CAPN2: variants seen among roughly 807,000 people sequenced by gnomAD.
CAPN2 encodes the protein calpain 2.
CAPN2 carries 92 observed loss-of-function variants against 102.3 expected under a neutral mutation model. That is an observed-to-expected ratio of 0.90 (90% confidence interval 0.76 to 1.07). CAPN2 has a LOEUF of 1.07. Among genes scored for constraint, CAPN2 ranks in the 50% least tolerant of loss-of-function variants. The pLI, the probability that CAPN2 is intolerant of heterozygous loss-of-function variation, is 0.00. For missense variants in CAPN2, 800 were observed against 909.4 expected (o/e 0.88, Z 1.55); for synonymous variants, 340 against 355.4 (o/e 0.96, Z 0.49).
chr1:223,766,826 G>A (rs1187435580), intron 16 of CAPN2, among the ~76,000 whole-genome samples: 2 of 152,136 alleles, frequency 1.3e-5, no homozygotes, highest in Admixed American at 6.5e-5. Flanking sequence ...TGGGTGTGGT[G>A]GCGGGCACCT....
chr1:223,716,636 C>T (rs373575246), intron 1 of CAPN2, among the ~76,000 whole-genome samples: 6 of 151,714 alleles, frequency 4.0e-5, no homozygotes, highest in South Asian at 2.1e-4. Flanking sequence ...TGCCGAGGGC[C>T]GTTGGGTGGA....
intron 2 of CAPN2, among the ~76,000 whole-genome samples, chr1:223,724,805 CA>C (rs200578569): frequency 4.0e-5 from 6 of 151,502 alleles, no homozygotes; most frequent in East Asian, 3.9e-4. Flanking sequence ...CCCATTTCCA[CA>C]AAAAAAAATT....
At chr1:223,735,917 C>T (rs1558065773) in intron 2 of CAPN2, among the ~76,000 whole-genome samples, 2 of 152,134 alleles carry the variant, frequency 1.3e-5, no homozygotes, top group Non-Finnish European at 2.9e-5. Flanking sequence ...GTAGCTGGGA[C>T]TACAGGCGCA....
intron 2 of CAPN2, among the ~76,000 whole-genome samples, chr1:223,735,101 C>T (rs961185952): frequency 2.0e-5 from 3 of 152,342 alleles, no homozygotes; most frequent in South Asian, 2.1e-4. Context: ...CCTTCTCTCA[C>T]GTGATCCTAA....
intron 2 of CAPN2, among the ~76,000 whole-genome samples, chr1:223,718,937 C>T (rs560672552): frequency 2.6e-5 from 4 of 152,092 alleles, no homozygotes; most frequent in East Asian, 3.9e-4. Flanking sequence ...CTCCCTAAGA[C>T]GGGACCTGGA....
At chr1:223,715,733 C>T (rs775773692) in intron 1 of CAPN2, among the ~76,000 whole-genome samples, 5 of 152,124 alleles carry the variant, frequency 3.3e-5, no homozygotes, top group Non-Finnish European at 5.9e-5. Context: ...TGTTGTGAGC[C>T]CCTATGTTTC....
intron 1 of CAPN2, among the ~76,000 whole-genome samples, chr1:223,713,622 G>A (rs1338206820): frequency 6.6e-6 from 1 of 152,106 alleles, no homozygotes; most frequent in East Asian, 1.9e-4. Context: ...AACCCCTGAG[G>A]CTCCTCCTCC....
chr1:223,703,563 T>C (rs1038994191), intron 1 of CAPN2, among the ~76,000 whole-genome samples: 8 of 152,228 alleles, frequency 5.3e-5, no homozygotes, highest in African/African-American at 1.9e-4. Flanking sequence ...CCCACTGGGT[T>C]GGCCAAGGCT....
intron 1 of CAPN2, among the ~76,000 whole-genome samples, chr1:223,714,731 C>A (rs1226379219): frequency 6.6e-6 from 1 of 151,392 alleles, no homozygotes; most frequent in East Asian, 1.9e-4. Flanking sequence ...TTCACTTATT[C>A]TTTCATTCAT....
chr1:223,768,838 TTGTTTGTA>T (rs1661401135), intron 16 of CAPN2, among the ~76,000 whole-genome samples: 1 of 151,898 alleles, frequency 6.6e-6, no homozygotes, highest in Non-Finnish European at 1.5e-5. Context: ...GTTCTTCCAT[TTGTTTGTA>T]TCCTCTTTTA....
chr1:223,740,409 C>T (rs911373090), intron 2 of CAPN2, among the ~76,000 whole-genome samples: 37 of 152,182 alleles, frequency 2.4e-4, no homozygotes, highest in Non-Finnish European at 7.3e-5. Flanking sequence ...TAACCTGACG[C>T]GTCCACCCTA....
chr1:223,734,282 A>C (rs1440573065), intron 2 of CAPN2, among the ~76,000 whole-genome samples: 1 of 152,216 alleles, frequency 6.6e-6, no homozygotes, highest in East Asian at 1.9e-4. Flanking sequence ...TCTTTTAAAA[A>C]ATGTACTTTC....
At chr1:223,760,662 TC>T (rs985943008) in intron 12 of CAPN2, among the ~76,000 whole-genome samples, 2 of 152,032 alleles carry the variant, frequency 1.3e-5, no homozygotes, top group African/African-American at 4.8e-5. Context: ...AATAACAGTG[TC>T]CTTTGTCAAA....
rs1180549385 is a variant in CAPN2 at position 223,727,313 on chromosome 1, G to A, written c.307+9482G>A. Among the ~76,000 whole-genome samples the A allele has an allele frequency of 6.6e-6, 1 of 152,242 alleles. No individual in the cohort carries two copies. On this transcript the variant is annotated intron_variant, in intron 2 of 20. Coordinates refer to ENST00000295006, the MANE Select transcript of CAPN2 (RefSeq NM_001748.5). This position sits in a 1 kb window ranked among gnomAD's most constrained non-coding sequence, Gnocchi z 4.1. ...TTCTCAACCTTGGCACAACTGACTG[G>A]ATAATTGTTCATTGTAGGGGGCTGT...
intron 15 of CAPN2, 125 bp downstream of exon 15, chr1:223,764,332 A>T (rs1380697487): frequency 1.6e-5 from 12 of 763,670 alleles, no homozygotes; most frequent in Non-Finnish European, 2.6e-5. Context: ...ATCCCCTCCA[A>T]GAAGTGGATG....
intron 2 of CAPN2, among the ~76,000 whole-genome samples, chr1:223,733,245 G>A (rs893865772): frequency 1.5e-4 from 23 of 152,064 alleles, no homozygotes; most frequent in African/African-American, 5.6e-4. Flanking sequence ...ACTTCTGTTT[G>A]TGAAGGAAAG....
In CAPN2 at chr1:223,712,759, T is replaced by C. The variant is rs753337142; in HGVS notation, c.119T>C (p.Leu40Pro). The C allele has an allele frequency of 1.3e-6, 2 of 1,581,622 alleles. No individual in the cohort carries two copies. Among genetic ancestry groups the C allele is most frequent in the Admixed American group, 3.5e-5 (2 of 56,430 alleles). ...QDYEALRNEC[L>P]EAGTLFQDPS... ...TACGAGGCGCTGCGGAACGAGTGCC[T>C]GGAGGCCGGGACGCTCTTCCAGGAC... is the stretch of plus-strand genomic sequence containing the variant. The change falls in exon 1 of 21, where the codon CTG (leucine) becomes CCG (proline). Residue 40 changes from leucine to proline, a missense_variant. Transcript: ENST00000295006.
At chr1:223,766,944 A>T (rs1345252980) in intron 16 of CAPN2, among the ~76,000 whole-genome samples, 1 of 151,124 alleles carries the variant, frequency 6.6e-6, no homozygotes, top group Non-Finnish European at 1.5e-5. Context: ...TGGGTGACAG[A>T]GCGTGACTCA....
At chr1:223,722,592 T>C (rs954965894) in intron 2 of CAPN2, among the ~76,000 whole-genome samples, 10 of 152,070 alleles carry the variant, frequency 6.6e-5, no homozygotes, top group Non-Finnish European at 8.8e-5. Flanking sequence ...ACCTGGCAAA[T>C]AATTTTTAAA....
Sources: allele counts gnomAD v4.1 joint callset (sites outside exome capture counted in the v4.1 genomes callset), GRCh38; gene constraint gnomAD v4.1.1; non-coding constraint Gnocchi (gnomAD v3.1); transcripts MANE v1.5; gene names NCBI Gene and HGNC (gene_info 2026-07-23, HGNC 2026-07-21).